The following LRRK1 variants were observed in gnomAD, a reference collection of about 807,000 sequenced individuals.
The protein encoded by LRRK1 is leucine rich repeat kinase 1.
A neutral mutation model predicts 209.1 loss-of-function variants in LRRK1; 113 were observed. The observed-to-expected ratio is 0.54, with a 90% confidence interval of 0.46 to 0.63. LRRK1 has a LOEUF of 0.63. Ranked by LOEUF, LRRK1 falls within the 30% of genes least tolerant of loss-of-function variation. The pLI is 0.00. For missense variants in LRRK1, 2,284 were observed against 2,632.2 expected (o/e 0.87, Z 2.89); for synonymous variants, 1,144 against 1,099.7 (o/e 1.04, Z -0.80).
intron 21 of LRRK1, 91 bp downstream of exon 21, chr15:101,046,243 C>A: frequency 7.3e-7 from 1 of 1,376,042 alleles, no homozygotes; most frequent in Admixed American, 2.0e-5. Flanking sequence ...TGCTGGGGGG[C>A]CCTGCCTGGA....
intron 30 of LRRK1, among the ~76,000 whole-genome samples, chr15:101,061,647 T>TC (rs1461160063): frequency 6.6e-6 from 1 of 152,136 alleles, no homozygotes; most frequent in Non-Finnish European, 1.5e-5. Context: ...ATCAGGGAAA[T>TC]CAGGGAAGTC....
intron 33 of LRRK1, among the ~76,000 whole-genome samples, chr15:101,067,547 T>C (rs1244429492): frequency 1.3e-5 from 2 of 152,144 alleles, no homozygotes; most frequent in Non-Finnish European, 2.9e-5. Flanking sequence ...TGGGTTTTTA[T>C]TTCATCTGGA....
rs769293742 is a variant in LRRK1, at chr15:101,024,960, A to G, written c.2225A>G (p.Asn742Ser). ...AVANLQFWLL[N>S]IEAKAPNAVV... ...GCCAACCTCCAGTTCTGGCTGCTCA[A>G]CATCGAGGTGAGGACACCAGACGCC... is the stretch of plus-strand genomic sequence containing the variant. Residue 742 changes from asparagine (N) to serine (S), a missense_variant, in exon 16 of 34, where the codon AAC (asparagine) becomes AGC (serine). By Grantham distance (46) the Asn-to-Ser change is conservative. This residue lies in a region of LRRK1 where 780 missense variants were observed against 985.2 expected (regional missense o/e 0.79). Transcript: ENST00000388948. The surrounding 1 kb of genome is among the most constrained non-coding windows in gnomAD (Gnocchi z 4.6). The G allele has an allele frequency of 6.2e-7, 1 of 1,613,478 alleles. No homozygotes were observed. The highest frequency in any genetic ancestry group is 1.7e-5 in the Admixed American group (1 of 60,016).
rs910469908 is a variant in LRRK1, at chr15:101,068,584, C to T, written c.5871-87C>T. On this transcript the variant is annotated intron_variant, in intron 33 of 33. Transcript: ENST00000388948. Reference sequence around the variant, plus strand: ...ACTCCCCTGCCCTTAGCCAGCTCCGCCTTCCTCAGAAGGCACAGGGGGAGG... The same window carrying T: ...ACTCCCCTGCCCTTAGCCAGCTCCGTCTTCCTCAGAAGGCACAGGGGGAGG... 5.7e-6 allele frequency: 8 copies of T among 1,409,656 alleles called. No homozygotes were observed. In the African/African-American group the frequency reaches 7.2e-5, roughly 13 times the overall value. 87.3% of individuals were successfully genotyped at this position (1,409,656 alleles called of 1,614,324 possible).
chr15:101,049,444 T>G (rs2035273796), intron 22 of LRRK1, 200 bp from the exon 23 acceptor site: 2 of 534,068 alleles, frequency 3.7e-6, no homozygotes. Context: ...TCGTGCCTCC[T>G]TCACCAGGCC....
intron 6 of LRRK1, among the ~76,000 whole-genome samples, chr15:101,003,712 C>T (rs2032810847): frequency 6.6e-6 from 1 of 152,206 alleles, no homozygotes; most frequent in South Asian, 2.1e-4. Flanking sequence ...GTGCCTCCCA[C>T]AACACATAGG....
intron 12 of LRRK1, among the ~76,000 whole-genome samples, chr15:101,019,023 T>C (rs1209760155): frequency 3.9e-5 from 6 of 152,218 alleles, no homozygotes. Context: ...GATGGCCGTT[T>C]TTACGGTAAA....
intron 20 of LRRK1, among the ~76,000 whole-genome samples, chr15:101,042,191 A>C (rs1044309789): frequency 2.6e-5 from 4 of 152,260 alleles, no homozygotes; most frequent in African/African-American, 9.6e-5. Context: ...CATGTCTTAA[A>C]GTCTAAGTCT....
chr15:100,938,649 ACTTATAG>A (rs1293040773), intron 2 of LRRK1, among the ~76,000 whole-genome samples: 5 of 151,726 alleles, frequency 3.3e-5, no homozygotes, highest in Admixed American at 1.3e-4. Context: ...CCAATTCCAT[ACTTATAG>A]CTTAAGAAGT....
chr15:100,956,455 C>CTTTTTTTTTTCTTTTCT (rs2042762776), intron 2 of LRRK1, among the ~76,000 whole-genome samples: 2 of 60,530 alleles, frequency 3.3e-5, no homozygotes, highest in South Asian at 5.5e-4. Flanking sequence ...TTTTTTTTTT[C>CTTTTTTTTTTCTTTTCT]TTTTTTTTTT....
rs1053039165 is a variant in LRRK1 at position 101,074,127 on chromosome 15, G to A, written c.*5279G>A. On this transcript the variant is annotated 3_prime_UTR_variant, in exon 34 of 34. Coordinates refer to ENST00000388948, the MANE Select transcript of LRRK1 (RefSeq NM_024652.6). ...CCCAAATCTTCCTTCTTTCCCTCCC[G>A]CCTGTCTCCTCAGTCCCAACCCCAA... is the stretch of plus-strand genomic sequence containing the variant. 2.0e-5 allele frequency: 3 copies of A among 151,806 alleles called. No homozygotes were observed. Among genetic ancestry groups the A allele is most frequent in the East Asian group, 3.9e-4 (2 of 5,186 alleles). The allele number at this position is 151,806 out of a possible 1,614,324, so 9.4% of individuals were successfully genotyped here.
chr15:100,954,933 G>C (rs1286074502), intron 2 of LRRK1, among the ~76,000 whole-genome samples: 1 of 152,138 alleles, frequency 6.6e-6, no homozygotes, highest in African/African-American at 2.4e-5. Context: ...TTTTAAATCA[G>C]GAAGTGTGAT....
In LRRK1 at chr15:100,980,062, A is replaced by G. The variant is rs140326051; in HGVS notation, c.262-3466A>G. ...CTAGAAATACACTTATGAACCAGCA[A>G]TTGAACTCCTGAACATTTAGTCTAG... On this transcript the variant is annotated intron_variant, in intron 3 of 33. Coordinates refer to ENST00000388948, the MANE Select transcript of LRRK1 (RefSeq NM_024652.6). Among the ~76,000 whole-genome samples the G allele has an allele frequency of 7.8e-3, 1,192 of 152,316 alleles. 17 individuals are homozygous for G. The highest frequency in any genetic ancestry group is 0.028 in the African/African-American group (1,145 of 41,574).
At chr15:101,053,802 G>A (rs1237443560) in intron 26 of LRRK1, among the ~76,000 whole-genome samples, 2 of 152,152 alleles carry the variant, frequency 1.3e-5, no homozygotes, top group Admixed American at 6.5e-5. Flanking sequence ...CTCTGAGACC[G>A]CAGGGTCAGT....
intron 7 of LRRK1, among the ~76,000 whole-genome samples, chr15:101,009,841 C>G (rs2033150139): frequency 6.6e-6 from 1 of 152,208 alleles, no homozygotes; most frequent in African/African-American, 2.4e-5. Context: ...CTGCCTCGGC[C>G]TCCCAAAGTG....
chr15:100,995,150 T>C (rs2032344423), intron 6 of LRRK1, among the ~76,000 whole-genome samples: 1 of 152,142 alleles, frequency 6.6e-6, no homozygotes, highest in Admixed American at 6.5e-5. Flanking sequence ...CACGCGATGA[T>C]GTCTTAGGGA....
At chr15:101,050,093 T>C (rs148940763) in intron 23 of LRRK1, among the ~76,000 whole-genome samples, 42 of 152,140 alleles carry the variant, frequency 2.8e-4, no homozygotes, top group African/African-American at 9.9e-4. Context: ...AGATGCTCAG[T>C]GTGAGCTCAC....
At chr15:100,939,788 T>G (rs1342476645) in intron 2 of LRRK1, among the ~76,000 whole-genome samples, 1 of 152,186 alleles carries the variant, frequency 6.6e-6, no homozygotes, top group African/African-American at 2.4e-5. Context: ...TCGGGGTAAA[T>G]AGTTGGGTTT....
chr15:101,033,179 A>T (rs1317699221), intron 20 of LRRK1, among the ~76,000 whole-genome samples: 1 of 152,218 alleles, frequency 6.6e-6, no homozygotes, highest in Non-Finnish European at 1.5e-5. Flanking sequence ...TTTATGGGGT[A>T]CAGGTGAGTA....
Sources: allele counts gnomAD v4.1 joint callset (sites outside exome capture counted in the v4.1 genomes callset), GRCh38; gene constraint gnomAD v4.1.1; regional missense constraint gnomAD v4.1.1; non-coding constraint Gnocchi (gnomAD v3.1); transcripts MANE v1.5; gene names NCBI Gene and HGNC (gene_info 2026-07-23, HGNC 2026-07-21).